TTI1: variants seen among roughly 807,000 people sequenced by gnomAD.
The protein encoded by TTI1 is TELO2-interacting protein 1 homolog.
TTI1 carries 52 observed loss-of-function variants against 85.4 expected under a neutral mutation model. The ratio of observed to expected loss-of-function variants is 0.61; its 90% CI spans 0.49 to 0.77. The LOEUF is 0.77. Ranked by LOEUF, TTI1 falls within the 30% of genes least tolerant of loss-of-function variation. The probability of loss-of-function intolerance (pLI) is 0.00; values close to 1 mark genes in which losing one functional copy is unlikely to be tolerated. For missense variants in TTI1, 1,173 were observed against 1,296.0 expected (o/e 0.91, Z 1.46); for synonymous variants, 512 against 503.9 (o/e 1.02, Z -0.22).
At chr20:38,017,357 T>C (rs1233672988) in intron 1 of TTI1, among the ~76,000 whole-genome samples, 1 of 151,870 alleles carries the variant, frequency 6.6e-6, no homozygotes, top group Non-Finnish European at 1.5e-5. Flanking sequence ...AAGGACTAGA[T>C]GGACTAACAG....
At chr20:37,985,794 T>C (rs955318970) in intron 7 of TTI1, among the ~76,000 whole-genome samples, 1 of 152,066 alleles carries the variant, frequency 6.6e-6, no homozygotes, top group Non-Finnish European at 1.5e-5. Flanking sequence ...TCCCAAAGTG[T>C]AGGATTACAT....
chr20:38,021,123 A>C (rs1568629582), intron 1 of TTI1, among the ~76,000 whole-genome samples: 3 of 152,240 alleles, frequency 2.0e-5, no homozygotes, highest in Non-Finnish European at 4.4e-5. Context: ...GGATAAATAA[A>C]CTGTAGTACA....
intron 1 of TTI1, among the ~76,000 whole-genome samples, chr20:38,014,135 G>C (rs1265577924): frequency 6.6e-6 from 1 of 152,208 alleles, no homozygotes; most frequent in Non-Finnish European, 1.5e-5. Flanking sequence ...AGAAAATTAT[G>C]CTCGAGGCAA....
chr20:38,020,788 A>G (rs1368709987), intron 1 of TTI1, among the ~76,000 whole-genome samples: 1 of 152,210 alleles, frequency 6.6e-6, no homozygotes, highest in Non-Finnish European at 1.5e-5. Flanking sequence ...ATTTAAAACC[A>G]CAATGAAATA....
At chr20:38,007,990 C>T (rs1284491472) in intron 2 of TTI1, among the ~76,000 whole-genome samples, 1 of 152,238 alleles carries the variant, frequency 6.6e-6, no homozygotes, top group African/African-American at 2.4e-5. Context: ...AGGCTGGTGA[C>T]AGACATTAAA....
At position 38,011,640 on chromosome 20, in the gene TTI1, G is replaced by C; in HGVS notation, c.2177C>G (p.Ser726Ter). The C allele has an allele frequency of 6.2e-7, 1 of 1,614,236 alleles. No homozygotes were observed. The highest frequency in any genetic ancestry group is 8.5e-7 in the Non-Finnish European group (1 of 1,180,042). The change falls in exon 2 of 8, where the codon TCA (serine) becomes TGA (stop). Residue 726 changes from serine to a stop codon, truncating the protein, a stop_gained. Transcript: ENST00000373447. LOFTEE classifies it high-confidence loss of function. The stretch of plus-strand genomic sequence containing the variant: ...CACCAAAGGAAGCAGGTTAGCATCT[G>C]AGTTCCGCAGCATGACTTCCAGGAC... ...PKVLEVMLRN[S>*]DANLLPLVAD...
chr20:38,020,310 GAAAAAA>G (rs772839935), intron 1 of TTI1, among the ~76,000 whole-genome samples: 22 of 48,276 alleles, frequency 4.6e-4, no homozygotes, highest in African/African-American at 2.3e-3. Context: ...CTACTCATAT[GAAAAAA>G]AAAAAAAATA....
At chr20:38,020,323 A>AAAAAAAAAAATATAT in intron 1 of TTI1, among the ~76,000 whole-genome samples, 1 of 50,382 alleles carries the variant, frequency 2.0e-5, no homozygotes, top group Non-Finnish European at 3.6e-5. Flanking sequence ...AAAAAAAAAA[A>AAAAAAAAAAATATAT]ATATATATAT....
chr20:38,014,625 G>A (rs189252129), intron 1 of TTI1, among the ~76,000 whole-genome samples: 4 of 152,248 alleles, frequency 2.6e-5, no homozygotes, highest in African/African-American at 9.6e-5. Context: ...GGAAAACTGG[G>A]AGCACACACT....
At chr20:38,017,435 T>TGTGTGCGC (rs879610985) in intron 1 of TTI1, among the ~76,000 whole-genome samples, 208 of 146,216 alleles carry the variant, frequency 1.4e-3, no homozygotes, top group Middle Eastern at 3.8e-3. Context: ...TGTGTGTGTG[T>TGTGTGCGC]GCGCGCGCGC....
intron 3 of TTI1, among the ~76,000 whole-genome samples, chr20:38,003,189 C>T (rs1161918489): frequency 6.6e-6 from 1 of 152,126 alleles, no homozygotes; most frequent in Non-Finnish European, 1.5e-5. Context: ...TCTCCAATTC[C>T]TGGGCTCAAG....
At chr20:37,987,949 G>A (rs1034160873) in intron 7 of TTI1, among the ~76,000 whole-genome samples, 66 of 152,306 alleles carry the variant, frequency 4.3e-4, no homozygotes, top group Middle Eastern at 3.4e-3. Flanking sequence ...GAGGAGGTGG[G>A]AATGGGGAGG....
At chr20:38,001,531 G>GT (rs2073425275) in intron 4 of TTI1, among the ~76,000 whole-genome samples, 1 of 152,222 alleles carries the variant, frequency 6.6e-6, no homozygotes, top group Non-Finnish European at 1.5e-5. Context: ...AGGTAAAAAG[G>GT]TAAGTGCTTG....
intron 7 of TTI1, among the ~76,000 whole-genome samples, chr20:37,992,208 G>T (rs534777494): frequency 2.0e-5 from 3 of 152,190 alleles, no homozygotes; most frequent in Admixed American, 6.5e-5. Context: ...GAGTAGGACT[G>T]GGGGTGGAGG....
Position 38,002,771 on chromosome 20 carries a change from G to T in TTI1, c.2509C>A (p.Gln837Lys), listed in dbSNP as rs1223288798. 13 of 1,613,858 alleles carry T rather than the reference G, an allele frequency of 8.1e-6. No homozygotes were observed. The highest frequency in any genetic ancestry group is 9.3e-6 in the Non-Finnish European group (11 of 1,179,864). ...VSDFDNEEEE[Q>K]SVPPKVDEND... ...TCATCCACTTTGGGAGGGACTGACT[G>T]TTCCTCTGGAAAAAGAGCACAACTG... Residue 837 changes from glutamine (Q) to lysine (K), a missense_variant, in exon 4 of 8, where the codon CAG (glutamine) becomes AAG (lysine). Transcript: ENST00000373447.
intron 1 of TTI1, among the ~76,000 whole-genome samples, chr20:38,025,226 A>G (rs185211570): frequency 6.1e-4 from 93 of 152,294 alleles, no homozygotes; most frequent in African/African-American, 2.0e-3. Flanking sequence ...CCGAATCTCA[A>G]TATAAAAATC....
Position 37,996,929 on chromosome 20 carries a change from A to G in TTI1, c.2818T>C (p.Cys940Arg), listed in dbSNP as rs2073350444. 1 of 1,613,930 alleles carries G rather than the reference A, an allele frequency of 6.2e-7. No homozygotes were observed. Among genetic ancestry groups the G allele is most frequent in the Admixed American group, 1.7e-5 (1 of 60,002 alleles). The change falls in exon 6 of 8, where the codon TGT becomes CGT. Residue 940 changes from cysteine (C) to arginine (R), a missense_variant. Coordinates refer to ENST00000373447, the MANE Select transcript of TTI1 (RefSeq NM_001303457.2). ...FKVLRTLGSK[C>R]GDFLRSRFCK... ...AACCGGCTGCGAAGAAAGTCACCAC[A>G]CTTGCTTCCCAGGGTACGTAAAACC...
intron 2 of TTI1, among the ~76,000 whole-genome samples, chr20:38,008,823 T>G (rs913130798): frequency 6.6e-6 from 1 of 152,230 alleles, no homozygotes; most frequent in Non-Finnish European, 1.5e-5. Flanking sequence ...TCCACCTGAG[T>G]ACTACTTCCT....
At chr20:38,030,258 G>A (rs1168508218) in intron 1 of TTI1, among the ~76,000 whole-genome samples, 2 of 151,796 alleles carry the variant, frequency 1.3e-5, no homozygotes, top group Non-Finnish European at 2.9e-5. Context: ...AAGGAGGGAG[G>A]GAGGGAAGCA....
Sources: gnomAD v4.1 joint callset for allele counts (sites outside exome capture counted in the v4.1 genomes callset) on GRCh38, gnomAD v4.1.1 for gene constraint, MANE v1.5 for transcripts, NCBI Gene and HGNC (gene_info 2026-07-23, HGNC 2026-07-21) for gene names.